The following SLC39A14 variants were observed in gnomAD, a reference collection of about 807,000 sequenced individuals.
SLC39A14 encodes the protein solute carrier family 39 member 14.
SLC39A14 carries 19 observed loss-of-function variants against 45.5 expected under a neutral mutation model. The observed-to-expected ratio is 0.42, with a 90% confidence interval of 0.29 to 0.61. The LOEUF is 0.61. Ranked by LOEUF, SLC39A14 falls within the 20% of genes least tolerant of loss-of-function variation. The pLI, the probability that SLC39A14 is intolerant of heterozygous loss-of-function variation, is 0.22. For synonymous variants in SLC39A14, 264 were observed against 251.3 expected (o/e 1.05, Z -0.48); for missense variants, 447 against 616.5 (o/e 0.73, Z 2.91).
At chr8:22,378,783 TC>T (rs1195717755) in intron 1 of SLC39A14, among the ~76,000 whole-genome samples, 3 of 152,160 alleles carry the variant, frequency 2.0e-5, no homozygotes, top group African/African-American at 7.2e-5. Flanking sequence ...TATTCATGGG[TC>T]CCGCCCATAC....
chr8:22,408,583 A>C, intron 3 of SLC39A14, 87 bp downstream of exon 3: 1 of 1,248,626 alleles, frequency 8.0e-7, no homozygotes. Flanking sequence ...GCTGCTCCTC[A>C]CTGAATGCCT....
intron 1 of SLC39A14, among the ~76,000 whole-genome samples, chr8:22,368,446 C>T (rs1019506840): frequency 2.0e-5 from 3 of 152,202 alleles, no homozygotes; most frequent in African/African-American, 4.8e-5. Context: ...CAGACTAGAT[C>T]TCCTTAACCA....
At chr8:22,428,732 C>T (rs899802954) in intron 8 of SLC39A14, among the ~76,000 whole-genome samples, 3 of 152,114 alleles carry the variant, frequency 2.0e-5, no homozygotes, top group African/African-American at 4.8e-5. Context: ...TGAGCCACTG[C>T]GCCAGGCCAG....
Position 22,404,965 on chromosome 8 carries a change from C to G in SLC39A14, c.255C>G (p.His85Gln), listed in dbSNP as rs1835126535. Residue 85 changes from histidine (H) to glutamine (Q), a missense_variant, in exon 2 of 9, where the codon CAC (histidine) becomes CAG (glutamine). Physicochemically the swap from His to Gln is conservative, Grantham distance 24 (BLOSUM62 0). Around this residue, in one of 2 missense-constraint regions of SLC39A14, gnomAD observed 342 missense variants for 428.1 expected, o/e 0.80. Coordinates refer to ENST00000381237, the MANE Select transcript of SLC39A14 (RefSeq NM_001128431.4). ...RGNVTQHVQG[H>Q]RNLSTCFSSG... ...ATGTCACCCAGCACGTGCAAGGACA[C>G]AGGAACCTCTCCACGGTAAGGCTCC... 6.2e-7 allele frequency: 1 copy of G among 1,613,864 alleles called. No homozygotes were observed. The highest frequency in any genetic ancestry group is 8.5e-7 in the Non-Finnish European group (1 of 1,179,962).
At chr8:22,409,244 A>T (rs1055508626) in intron 3 of SLC39A14, among the ~76,000 whole-genome samples, 1 of 152,086 alleles carries the variant, frequency 6.6e-6, no homozygotes, top group African/African-American at 2.4e-5. Flanking sequence ...ACGAGCTGTG[A>T]GTGTACACCC....
Position 22,404,667 on chromosome 8 carries a change from T to C in SLC39A14, c.-15-29T>C, listed in dbSNP as rs1290412154. The C allele has an allele frequency of 6.3e-6, 10 of 1,590,444 alleles. No individual in the cohort carries two copies. In the South Asian group the frequency reaches 1.2e-4, roughly 18 times the overall value. On this transcript the variant is annotated intron_variant, in intron 1 of 8. Coordinates refer to ENST00000381237, the MANE Select transcript of SLC39A14 (RefSeq NM_001128431.4). ...AGTTGCCGGCACACAGGGAGAGGCC[T>C]CAGCTTCACCTGCCTTTTTCTCTCA...
chr8:22,428,683 C>T (rs1164538819), intron 8 of SLC39A14, among the ~76,000 whole-genome samples: 4 of 151,870 alleles, frequency 2.6e-5, no homozygotes, highest in East Asian at 2.0e-4. Context: ...CCTTGTGATC[C>T]GCCCAGCCTG....
intron 1 of SLC39A14, among the ~76,000 whole-genome samples, chr8:22,373,585 G>A (rs896435372): frequency 6.6e-6 from 1 of 152,094 alleles, no homozygotes; most frequent in African/African-American, 2.4e-5. Context: ...AAAAGTGAGA[G>A]TGAAAAGCTT....
intron 3 of SLC39A14, chr8:22,410,265 C>A: frequency 1.3e-6 from 1 of 791,132 alleles, no homozygotes. Context: ...CAAACGACTT[C>A]TAACTCTGGA....
chr8:22,422,180 C>T lies in SLC39A14; in HGVS notation c.*2482C>T, dbSNP rs59961166. 6,747 of 985,380 alleles carry T rather than the reference C, an allele frequency of 6.8e-3. 368 individuals are homozygous for T. The African/African-American group carries it at 0.11, about 16-fold the overall frequency. 61.0% of individuals were successfully genotyped at this position (985,380 alleles called of 1,614,324 possible). A position where few individuals can be genotyped will look rare whatever the true frequency, so the allele number is the denominator to read the frequency against. On this transcript the variant is annotated 3_prime_UTR_variant, in exon 9 of 9. Coordinates refer to ENST00000381237, the MANE Select transcript of SLC39A14 (RefSeq NM_001128431.4). ...TTTTCACCCCTGGCATTAGCAGCTT[C>T]GACCTCATTTTCCAGATGCACCAGC...
At chr8:22,414,970 A>G in intron 5 of SLC39A14, 68 bp downstream of exon 5, 2 of 1,556,580 alleles carry the variant, frequency 1.3e-6, no homozygotes, top group Non-Finnish European at 1.7e-6. Flanking sequence ...ATGTTGATGT[A>G]TTGTGGTGGT....
At position 22,412,134 on chromosome 8, in the gene SLC39A14, G is replaced by A. The variant is rs747280904; in HGVS notation, c.555G>A (p.Arg185=). Residue 185 remains arginine, a synonymous_variant, in exon 4 of 9, where the codon AGG becomes AGA. Transcript: ENST00000381237. ...VPFMKKTFYK[R]LLLYFIALAI... ...TCATGAAGAAGACCTTTTACAAGAGGCTGCTGCTCTACTTCATAGCTCTGG... is the reference window on the plus strand; with the variant it reads ...TCATGAAGAAGACCTTTTACAAGAGACTGCTGCTCTACTTCATAGCTCTGG... The A allele has an allele frequency of 1.3e-6, 2 of 1,551,716 alleles. No individual in the cohort carries two copies. Among genetic ancestry groups the A allele is most frequent in the South Asian group, 2.4e-5 (2 of 84,064 alleles).
chr8:22,381,034 C>T (rs555026393), intron 1 of SLC39A14, among the ~76,000 whole-genome samples: 8 of 151,694 alleles, frequency 5.3e-5, no homozygotes, highest in East Asian at 3.9e-4. Context: ...AGTGCAGTGG[C>T]GCAATCTTGG....
Position 22,414,814 on chromosome 8 carries a change from T to G in SLC39A14, c.662T>G (p.Val221Gly). The change falls in exon 5 of 9, where the codon GTC (valine) becomes GGC (glycine). Residue 221 changes from valine (V) to glycine (G), a missense_variant. This residue lies in a region of SLC39A14 where 342 missense variants were observed against 428.1 expected (regional missense o/e 0.80). Transcript: ENST00000381237. ...FGFNPLEDYY[V>G]SKSAVVFGGF... ...TTCAACCCTCTGGAAGATTATTATG[T>G]CTCCAAGTCTGCAGTGGTGTTTGGG... 6.2e-7 allele frequency: 1 copy of G among 1,611,978 alleles called. No individual in the cohort carries two copies. Among genetic ancestry groups the G allele is most frequent in the Admixed American group, 1.7e-5 (1 of 59,686 alleles).
In SLC39A14 at chr8:22,419,540, C is replaced by T. The variant is rs1446527700; in HGVS notation, c.1333-12C>T. The T allele has an allele frequency of 7.5e-6, 12 of 1,607,010 alleles. No individual in the cohort carries two copies. Among genetic ancestry groups the T allele is most frequent in the Non-Finnish European group, 1.0e-5 (12 of 1,176,996 alleles). Reference sequence around the variant, plus strand: ...GGAATTGCAGCTGTGTTGTTTCTTGCTTCTTTCCCAGTTCCCTGAGATGAA... The same window carrying T: ...GGAATTGCAGCTGTGTTGTTTCTTGTTTCTTTCCCAGTTCCCTGAGATGAA... On this transcript the variant is annotated splice_polypyrimidine_tract_variant and intron_variant, in intron 8 of 8. Transcript: ENST00000381237.
intron 8 of SLC39A14, among the ~76,000 whole-genome samples, chr8:22,418,451 A>G (rs549460263): frequency 2.1e-4 from 32 of 152,296 alleles, no homozygotes; most frequent in Non-Finnish European, 4.3e-4. Context: ...ATTACGCATA[A>G]TCATACATCA....
chr8:22,417,500 T>G (rs761792041), intron 7 of SLC39A14, 151 bp from the exon 8 acceptor site: 5 of 663,996 alleles, frequency 7.5e-6, no homozygotes, highest in Non-Finnish European at 1.3e-5. Flanking sequence ...TGACTGGCTC[T>G]CACTTTGTCG....
chr8:22,415,694 T>C, intron 5 of SLC39A14, 75 bp from the exon 6 acceptor site: 1 of 1,422,396 alleles, frequency 7.0e-7, no homozygotes, highest in Non-Finnish European at 9.7e-7. Flanking sequence ...GTGAAGCACT[T>C]CCTTGGAGCA....
At chr8:22,382,873 C>T (rs927768216) in intron 1 of SLC39A14, among the ~76,000 whole-genome samples, 1 of 151,522 alleles carries the variant, frequency 6.6e-6, no homozygotes, top group African/African-American at 2.4e-5. Flanking sequence ...TGCTACCATG[C>T]CCCCGCTAAT....
Sources: gnomAD v4.1 joint callset for allele counts (sites outside exome capture counted in the v4.1 genomes callset) on GRCh38, gnomAD v4.1.1 for gene constraint, gnomAD v4.1.1 regional missense constraint, MANE v1.5 for transcripts, NCBI Gene and HGNC (gene_info 2026-07-23, HGNC 2026-07-21) for gene names.